ZXDC: variants seen among roughly 807,000 people sequenced by gnomAD.
ZXDC encodes zinc finger protein ZXDC.
A neutral mutation model predicts 63.6 loss-of-function variants in ZXDC; 58 were observed. The ratio of observed to expected loss-of-function variants is 0.91; its 90% CI spans 0.74 to 1.13. The LOEUF is 1.13. Among genes scored for constraint, ZXDC ranks in the 50% most tolerant of loss-of-function variants. The pLI, the probability that ZXDC is intolerant of heterozygous loss-of-function variation, is 0.00. For synonymous variants in ZXDC, 561 were observed against 496.1 expected, an observed-to-expected ratio of 1.13 and a Z score of -1.74; for missense variants, 1,133 against 1,148.9, an observed-to-expected ratio of 0.99 and a Z score of 0.20.
intron 6 of ZXDC, among the ~76,000 whole-genome samples, chr3:126,460,301 C>T (rs764188500): frequency 3.3e-5 from 5 of 152,184 alleles, no homozygotes; most frequent in Admixed American, 6.5e-5. Flanking sequence ...AGTCTGTGAA[C>T]GTTTCCTAAG....
chr3:126,462,787 G>C (rs1208552478), intron 5 of ZXDC, among the ~76,000 whole-genome samples: 2 of 152,198 alleles, frequency 1.3e-5, no homozygotes, highest in Non-Finnish European at 2.9e-5. Flanking sequence ...GAGCCATATA[G>C]GGGTGAACAA....
intron 4 of ZXDC, among the ~76,000 whole-genome samples, chr3:126,469,863 A>G (rs1934912875): frequency 6.6e-6 from 1 of 152,228 alleles, no homozygotes; most frequent in Non-Finnish European, 1.5e-5. Flanking sequence ...CAGTTACACC[A>G]CTTGTATATA....
rs1244181129 is a variant in ZXDC, at chr3:126,466,324, T to C, written c.1272A>G (p.Gly424=). ...GTKPFECPVE[G]CCARFSARSS... Reference sequence around the variant, plus strand: ...TACGAGCGGAGAACCTCGCGCAACATCCTGGAACAAAAAGAGTAATGAGAG... The same window carrying C: ...TACGAGCGGAGAACCTCGCGCAACACCCTGGAACAAAAAGAGTAATGAGAG... Residue 424 remains glycine (G), a splice_region_variant and synonymous_variant, in exon 5 of 10, where the codon GGA becomes GGG. Coordinates refer to ENST00000389709, the MANE Select transcript of ZXDC (RefSeq NM_025112.5). 6.2e-7 allele frequency: 1 copy of C among 1,613,986 alleles called. No individual in the cohort carries two copies. The highest frequency in any genetic ancestry group is 1.7e-5 in the Admixed American group (1 of 59,984).
In ZXDC at chr3:126,446,971, AC is replaced by A. The variant is rs376613714; in HGVS notation, c.2213-5026del. 3.4e-3 allele frequency among the ~76,000 whole-genome samples: 515 copies of A among 152,246 alleles called. 1 individual carries two copies. The highest frequency in any genetic ancestry group is 0.011 in the African/African-American group (473 of 41,536). On this transcript the variant is annotated intron_variant, in intron 7 of 9. Transcript: ENST00000389709. The stretch of plus-strand genomic sequence containing the variant: ...CCCACAATGATCTCTTCCAGAGTAA[AC>A]CCACATGACCAGCCCTGCCTGTGCT...
rs1051606692 is a variant in ZXDC, at chr3:126,452,965, T to C, written c.2212+6688A>G. On this transcript the variant is annotated intron_variant, in intron 7 of 9. Coordinates refer to ENST00000389709, the MANE Select transcript of ZXDC (RefSeq NM_025112.5). ...GTTGCCCAGGCTGGTCTTGAACTCCTGGCCTCAAGCAATACTCCCACCTCA... is the reference window on the plus strand; with the variant it reads ...GTTGCCCAGGCTGGTCTTGAACTCCCGGCCTCAAGCAATACTCCCACCTCA... 1.2e-5 allele frequency: 12 copies of C among 963,814 alleles called. 1 individual carries two copies. Among genetic ancestry groups the C allele is most frequent in the African/African-American group, 5.3e-5 (3 of 56,836 alleles). The allele number at this position is 963,814 out of a possible 1,614,324, so 59.7% of individuals were successfully genotyped here. A position where few individuals can be genotyped will look rare whatever the true frequency, so the allele number is the denominator to read the frequency against.
chr3:126,475,687 C>A lies in ZXDC; in HGVS notation c.179G>T (p.Gly60Val). ...GPGARPGEAS[G>V]PSPPPAEDDS... ...GTCCTCGGCGGGCGGCGGGCTTGGC[C>A]CGGAGGCCTCCCCGGGCCGCGCCCC... Residue 60 changes from glycine (G) to valine (V), a missense_variant, in exon 1 of 10, where the codon GGG becomes GTG. Transcript: ENST00000389709. The A allele has an allele frequency of 1.5e-6, 2 of 1,342,270 alleles. No individual in the cohort carries two copies. The highest frequency in any genetic ancestry group is 9.6e-7 in the Non-Finnish European group (1 of 1,045,772). The allele number at this position is 1,342,270 out of a possible 1,614,324, so 83.1% of individuals were successfully genotyped here.
chr3:126,452,340 G>A (rs1934140601), intron 7 of ZXDC: 1 of 985,306 alleles, frequency 1.0e-6, no homozygotes, highest in African/African-American at 1.7e-5. Flanking sequence ...AATGCTGTGG[G>A]AAGAGTGAGA....
intron 7 of ZXDC, among the ~76,000 whole-genome samples, chr3:126,448,290 TCAC>T (rs1933959652): frequency 1.3e-5 from 2 of 152,350 alleles, no homozygotes; most frequent in East Asian, 1.9e-4. Context: ...TACTGTATCT[TCAC>T]CACATGGCAG....
intron 7 of ZXDC, chr3:126,450,652 G>A (rs1375873457): frequency 2.4e-6 from 1 of 408,300 alleles, no homozygotes; most frequent in Non-Finnish European, 5.0e-6. Flanking sequence ...TGCTCTCCCT[G>A]GAGGGTGGTC....
chr3:126,472,385 AC>A, intron 1 of ZXDC, 80 bp from the exon 2 acceptor site: 1 of 1,519,836 alleles, frequency 6.6e-7, no homozygotes, highest in Non-Finnish European at 9.0e-7. Context: ...CACCCACCAG[AC>A]CCTGTTCACA....
Position 126,441,835 on chromosome 3 carries a change from C to A in ZXDC, c.2324G>T (p.Gly775Val). Residue 775 changes from glycine (G) to valine (V), a missense_variant, in exon 8 of 10, where the codon GGA (glycine) becomes GTA (valine). Transcript: ENST00000389709. ...AGCTGCTGGAGCTGGTCCTGGCCGT[C>A]CTCCGCTGGGCACCACGAGGCTCCC... ...LCGSLVVPSG[G>V]RPGPAPAAGV... 1 of 1,613,856 alleles carries A rather than the reference C, an allele frequency of 6.2e-7. No homozygotes were observed. The highest frequency in any genetic ancestry group is 1.1e-5 in the South Asian group (1 of 91,038).
At chr3:126,472,417 C>T in intron 1 of ZXDC, 112 bp from the exon 2 acceptor site, 1 of 1,342,240 alleles carries the variant, frequency 7.5e-7, no homozygotes, top group East Asian at 2.4e-5. Context: ...CAAGGGAAAA[C>T]ATGACTCAGA....
rs2107659909 is a variant in ZXDC, at chr3:126,472,235, C to T, written c.978G>A (p.Glu326=). The T allele has an allele frequency of 1.2e-6, 2 of 1,613,568 alleles. No individual in the cohort carries two copies. Among genetic ancestry groups the T allele is most frequent in the Non-Finnish European group, 8.5e-7 (1 of 1,179,450 alleles). Residue 326 remains glutamate (E), a synonymous_variant, in exon 2 of 10, where the codon GAG becomes GAA. Coordinates refer to ENST00000389709, the MANE Select transcript of ZXDC (RefSeq NM_025112.5). ...SHNRAHFREQ[E]LFSCSFPGCS... ...ACCCAGGAAAGGAGCAGGAAAAGAG[C>T]TCTTGTTCCCTGAAGTGGGCTCGGT...
intron 1 of ZXDC, 100 bp from the exon 2 acceptor site, chr3:126,472,405 G>A (rs1255009672): frequency 8.5e-6 from 12 of 1,417,310 alleles, no homozygotes; most frequent in Middle Eastern, 2.2e-4. Flanking sequence ...CACTGAAGCA[G>A]ACAAGGGAAA....
At chr3:126,459,363 C>T in intron 7 of ZXDC, 1 of 985,468 alleles carries the variant, frequency 1.0e-6, no homozygotes, top group Non-Finnish European at 1.2e-6. Flanking sequence ...AACTGGCCTG[C>T]TTTGCTTATT....
chr3:126,441,219 A>G (rs1576658457), intron 8 of ZXDC: 1 of 985,902 alleles, frequency 1.0e-6, no homozygotes, highest in Non-Finnish European at 1.2e-6. Context: ...TGGCCCGGAC[A>G]GGCTGGGAGG....
intron 7 of ZXDC, chr3:126,454,925 C>A: frequency 1.0e-6 from 1 of 985,436 alleles, no homozygotes. Context: ...AACAGCAACA[C>A]AATGGGAAGA....
intron 7 of ZXDC, chr3:126,452,629 T>C: frequency 1.1e-6 from 1 of 912,672 alleles, no homozygotes; most frequent in South Asian, 5.0e-5. Context: ...AGCTATCTGA[T>C]TAAGCTCCAT....
At chr3:126,464,236 A>T (rs1934663816) in intron 5 of ZXDC, among the ~76,000 whole-genome samples, 1 of 152,230 alleles carries the variant, frequency 6.6e-6, no homozygotes, top group Non-Finnish European at 1.5e-5. Context: ...CAATCACTAA[A>T]TAAACATTAG....
Sources: allele counts gnomAD v4.1 joint callset (sites outside exome capture counted in the v4.1 genomes callset), GRCh38; gene constraint gnomAD v4.1.1; transcripts MANE v1.5; gene names NCBI Gene and HGNC (gene_info 2026-07-23, HGNC 2026-07-21).